SCN1A: variants seen among roughly 807,000 people sequenced by gnomAD.
SCN1A encodes sodium voltage-gated channel alpha subunit 1, also known as sodium channel protein type 1 subunit alpha.
Under a neutral mutation model 193.7 loss-of-function variants are expected in SCN1A, and 13 were observed. That is an observed-to-expected ratio of 0.07 (90% CI 0.04 to 0.11). SCN1A has a LOEUF of 0.11. Ranked by LOEUF, SCN1A falls within the 10% of genes least tolerant of loss-of-function variation. The pLI is 1.00. For synonymous variants in SCN1A, 781 were observed against 843.6 expected (o/e 0.93, Z 1.29); for missense variants, 1,432 against 2,451.1 (o/e 0.58, Z 8.78).
chr2:166,147,561 G>A (rs944655961), intron 1 of SCN1A, among the ~76,000 whole-genome samples: 1 of 152,094 alleles, frequency 6.6e-6, no homozygotes, highest in East Asian at 1.9e-4. Context: ...GTACAATTAA[G>A]TATGTATCCA....
At chr2:166,062,082 C>G (rs1683370801) in intron 4 of SCN1A, among the ~76,000 whole-genome samples, 1 of 152,126 alleles carries the variant, frequency 6.6e-6, no homozygotes, top group African/African-American at 2.4e-5. Flanking sequence ...ATAAGACATA[C>G]TGTTGTGCAA....
At chr2:166,135,573 A>G (rs937986273) in intron 1 of SCN1A, among the ~76,000 whole-genome samples, 7 of 152,182 alleles carry the variant, frequency 4.6e-5, no homozygotes, top group Admixed American at 3.3e-4. Context: ...CAATCTTCGG[A>G]TATCAATTTA....
At chr2:166,098,626 A>G (rs1307419961) in intron 2 of SCN1A, among the ~76,000 whole-genome samples, 1 of 152,212 alleles carries the variant, frequency 6.6e-6, no homozygotes, top group Non-Finnish European at 1.5e-5. Context: ...GTCTCTTCCC[A>G]AAGGCTCCTA....
intron 27 of SCN1A, among the ~76,000 whole-genome samples, chr2:165,995,315 AC>A (rs1243810284): frequency 6.6e-6 from 1 of 151,830 alleles, no homozygotes; most frequent in African/African-American, 2.4e-5. Flanking sequence ...TCCTTGATGC[AC>A]CCTAGGAATT....
rs532200683 is a variant in SCN1A, at chr2:166,030,213, C to T, written c.3429+5835G>A. Reference sequence around the variant, plus strand: ...CAGACTATGGAGCAGACTGCCAGGACCAACCACTTACTGTTTGTGTAACTT... The same window carrying T: ...CAGACTATGGAGCAGACTGCCAGGATCAACCACTTACTGTTTGTGTAACTT... On this transcript the variant is annotated intron_variant, in intron 19 of 28. Transcript: ENST00000674923. Among the ~76,000 whole-genome samples the T allele has an allele frequency of 3.3e-5, 5 of 152,238 alleles. No homozygotes were observed. The South Asian group carries it at 1.0e-3, about 32-fold the overall frequency.
upstream of SCN1A, among the ~76,000 whole-genome samples, chr2:166,131,946 A>G (rs1691676732): frequency 6.6e-6 from 1 of 152,164 alleles, no homozygotes. Flanking sequence ...TATAAATGAC[A>G]TTTGAGTTTT....
chr2:166,058,255 A>G lies in SCN1A; in HGVS notation c.383+315T>C, dbSNP rs1482169334. Among the ~76,000 whole-genome samples, 7 of 152,094 alleles carry G rather than the reference A, an allele frequency of 4.6e-5. No homozygotes were observed. In the East Asian group the frequency reaches 1.3e-3, roughly 29 times the overall value. On this transcript the variant is annotated intron_variant, in intron 5 of 28. Transcript: ENST00000674923. ...TTCTACACCATCACAAACTTTGTATAAAGATGGTAGAGGTAAACATGGTTA... is the reference window on the plus strand; with the variant it reads ...TTCTACACCATCACAAACTTTGTATGAAGATGGTAGAGGTAAACATGGTTA...
Position 166,126,952 on chromosome 2 carries a change from T to C in SCN1A, c.-170A>G, listed in dbSNP as rs532231353. 2 of 152,322 alleles carry C rather than the reference T, an allele frequency of 1.3e-5. No homozygotes were observed. The highest frequency in any genetic ancestry group is 2.9e-5 in the Non-Finnish European group (2 of 68,054). 9.4% of individuals were successfully genotyped at this position (152,322 alleles called of 1,614,324 possible). A position where few individuals can be genotyped will look rare whatever the true frequency, so the allele number is the denominator to read the frequency against. On this transcript the variant is annotated 5_prime_UTR_variant, in exon 2 of 29. An upstream start codon of the reference 5' UTR is lost. Coordinates refer to ENST00000674923, the MANE Select transcript of SCN1A (RefSeq NM_001165963.4). ...AAACAGGTAGGAGTCAGGAAATCCA[T>C]GATAGCAAAGACATTTGGACAAGCC...
chr2:166,034,003 G>A (rs1695996503), intron 19 of SCN1A, among the ~76,000 whole-genome samples: 1 of 151,910 alleles, frequency 6.6e-6, no homozygotes, highest in African/African-American at 2.4e-5. Context: ...CAAAAAATTA[G>A]CCTTCATCTG....
At chr2:166,012,457 GA>G (rs1483871481) in intron 21 of SCN1A, among the ~76,000 whole-genome samples, 175 bp from the exon 22 acceptor site, 2 of 150,574 alleles carry the variant, frequency 1.3e-5, no homozygotes, top group Non-Finnish European at 3.0e-5. Flanking sequence ...TTAATCAGGG[GA>G]AAGACTATTG....
chr2:166,118,497 A>G (rs936410770), intron 2 of SCN1A, among the ~76,000 whole-genome samples: 1 of 150,428 alleles, frequency 6.6e-6, no homozygotes, highest in African/African-American at 2.4e-5. Context: ...GACCTCACAG[A>G]CTCCTCAAAT....
Position 166,043,892 on chromosome 2 carries a change from G to C in SCN1A, c.1820C>G (p.Ser607Cys). The change falls in exon 14 of 29, where the codon TCC (serine) becomes TGC (cysteine). Residue 607 changes from serine (S) to cysteine (C), a missense_variant. Coordinates refer to ENST00000674923, the MANE Select transcript of SCN1A (RefSeq NM_001165963.4). ...TFEDNESRRD[S>C]LFVPRRHGER... ...TCCGTGTCGTCGGGGCACAAACAAG[G>C]AATCTCTACGGCTCTCGTTATCCTC... The C allele has an allele frequency of 6.2e-7, 1 of 1,614,176 alleles. No individual in the cohort carries two copies. The highest frequency in any genetic ancestry group is 8.5e-7 in the Non-Finnish European group (1 of 1,180,026).
At chr2:166,005,216 C>T (rs1691495955) in intron 23 of SCN1A, among the ~76,000 whole-genome samples, 1 of 151,268 alleles carries the variant, frequency 6.6e-6, no homozygotes. Context: ...AAGAACATAC[C>T]AGAGAGCTTT....
chr2:166,052,977 C>T, intron 7 of SCN1A, 34 bp from the exon 8 acceptor site: 1 of 1,562,304 alleles, frequency 6.4e-7, no homozygotes, highest in Non-Finnish European at 8.8e-7. Flanking sequence ...AACACAAAAA[C>T]AGGACACAAA....
At position 165,988,697 on chromosome 2, in the gene SCN1A, T is replaced by C. The variant is rs1260687509; in HGVS notation, c.*2548A>G. 1 of 152,174 alleles carries C rather than the reference T, an allele frequency of 6.6e-6. No individual in the cohort carries two copies. Among genetic ancestry groups the C allele is most frequent in the Non-Finnish European group, 1.5e-5 (1 of 68,052 alleles). 9.4% of individuals were successfully genotyped at this position (152,174 alleles called of 1,614,324 possible). On this transcript the variant is annotated 3_prime_UTR_variant, in exon 29 of 29. Transcript: ENST00000674923. ...GCTCAAAGGTAGGAGAGCCCATTTT[T>C]GCAATGTGTAGAAGTCACCCTTCTG...
At chr2:166,069,305 T>A (rs755184221) in intron 4 of SCN1A, among the ~76,000 whole-genome samples, 66 of 151,982 alleles carry the variant, frequency 4.3e-4, no homozygotes, top group African/African-American at 1.3e-3. Flanking sequence ...AACCTTCTAA[T>A]GCTTCTATGC....
At chr2:166,095,292 T>C (rs892996860) in intron 2 of SCN1A, among the ~76,000 whole-genome samples, 2 of 152,192 alleles carry the variant, frequency 1.3e-5, no homozygotes, top group African/African-American at 4.8e-5. Context: ...CCCTTCTAAT[T>C]TCTGCCCAAC....
intron 2 of SCN1A, among the ~76,000 whole-genome samples, chr2:166,109,810 A>G (rs1216783927): frequency 6.6e-6 from 1 of 152,090 alleles, no homozygotes; most frequent in Admixed American, 6.6e-5. Context: ...TGGGCTTCCC[A>G]GTTCCTTGAG....
intron 16 of SCN1A, among the ~76,000 whole-genome samples, chr2:166,040,396 A>T (rs1697026492): frequency 1.3e-5 from 2 of 152,212 alleles, no homozygotes; most frequent in Non-Finnish European, 2.9e-5. Context: ...TAGGTGCATT[A>T]CTATTGTCAT....
Sources: gnomAD v4.1 joint callset for allele counts (sites outside exome capture counted in the v4.1 genomes callset) on GRCh38, gnomAD v4.1.1 for gene constraint, MANE v1.5 for transcripts, NCBI Gene and HGNC (gene_info 2026-07-23, HGNC 2026-07-21) for gene names.